CCDC85A: variants seen among roughly 807,000 people sequenced by gnomAD.
CCDC85A encodes coiled-coil domain containing 85A.
CCDC85A carries 38 observed loss-of-function variants against 50.2 expected under a neutral mutation model. The observed-to-expected ratio is 0.76, with a 90% CI of 0.58 to 0.99. The LOEUF is 0.99. CCDC85A is among the 50% of genes least tolerant of loss of function. The pLI, the probability that CCDC85A is intolerant of heterozygous loss-of-function variation, is 0.00. For missense variants in CCDC85A, 820 were observed against 742.0 expected, an observed-to-expected ratio of 1.11 and a Z score of -1.22; for synonymous variants, 366 against 301.4, an observed-to-expected ratio of 1.21 and a Z score of -2.22.
intron 2 of CCDC85A, among the ~76,000 whole-genome samples, chr2:56,337,354 G>A (rs1216309421): frequency 6.6e-6 from 1 of 152,172 alleles, no homozygotes; most frequent in South Asian, 2.1e-4. Context: ...ATGCCCATAG[G>A]TTTCCCAGGG....
At chr2:56,345,053 T>C (rs12467246) in intron 3 of CCDC85A, among the ~76,000 whole-genome samples, 47,355 of 152,040 alleles carry the variant, frequency 0.31, 9,558 homozygotes, top group African/African-American at 0.57. Flanking sequence ...ACTTGATGTG[T>C]CTATGTGTAT....
intron 2 of CCDC85A, among the ~76,000 whole-genome samples, chr2:56,212,450 T>A (rs1199582790): frequency 1.3e-5 from 2 of 152,006 alleles, no homozygotes; most frequent in Non-Finnish European, 2.9e-5. Context: ...AGAGTATTCA[T>A]AATGGGAGAG....
At chr2:56,346,382 A>C (rs1674632577) in intron 3 of CCDC85A, among the ~76,000 whole-genome samples, 1 of 152,218 alleles carries the variant, frequency 6.6e-6, no homozygotes, top group Admixed American at 6.5e-5. Context: ...ATACATATAC[A>C]AAATGTTCAA....
chr2:56,305,013 G>A (rs13001174), intron 2 of CCDC85A, among the ~76,000 whole-genome samples: 1 of 151,346 alleles, frequency 6.6e-6, no homozygotes, highest in African/African-American at 2.4e-5. Flanking sequence ...TGAGAGAAGA[G>A]AATCGCTTGA....
intron 2 of CCDC85A, among the ~76,000 whole-genome samples, chr2:56,291,593 A>T (rs1671708389): frequency 6.6e-6 from 1 of 152,184 alleles, no homozygotes; most frequent in Non-Finnish European, 1.5e-5. Context: ...CAGAGAGATC[A>T]GTAAGTACAA....
intron 2 of CCDC85A, among the ~76,000 whole-genome samples, chr2:56,202,657 C>G (rs1338091014): frequency 1.3e-5 from 2 of 152,224 alleles, no homozygotes; most frequent in Non-Finnish European, 2.9e-5. Context: ...GCCAGTTATT[C>G]TGATTTATGC....
At chr2:56,295,777 G>C (rs997934100) in intron 2 of CCDC85A, among the ~76,000 whole-genome samples, 1 of 152,150 alleles carries the variant, frequency 6.6e-6, no homozygotes, top group African/African-American at 2.4e-5. Context: ...GACTGAAAAG[G>C]AAGTGCCTGG....
chr2:56,186,333 C>T (rs993686619), intron 1 of CCDC85A, among the ~76,000 whole-genome samples: 5 of 152,160 alleles, frequency 3.3e-5, no homozygotes, highest in African/African-American at 1.2e-4. Flanking sequence ...CCTCATTTGC[C>T]AGGAGGGTGA....
chr2:56,273,833 T>TA (rs1489914168), intron 2 of CCDC85A, among the ~76,000 whole-genome samples: 13 of 152,060 alleles, frequency 8.5e-5, no homozygotes, highest in African/African-American at 2.9e-4. Flanking sequence ...GTTTATAGAA[T>TA]ATCTGATGTT....
chr2:56,379,781 A>G, intron 5 of CCDC85A: 1 of 984,944 alleles, frequency 1.0e-6, no homozygotes, highest in Non-Finnish European at 1.2e-6. Context: ...ATAGATCGTC[A>G]ACAGGGTAAA....
chr2:56,249,819 G>C (rs537233458), intron 2 of CCDC85A, among the ~76,000 whole-genome samples: 55 of 152,274 alleles, frequency 3.6e-4, no homozygotes, highest in African/African-American at 1.3e-3. Context: ...TGGGCCCTGG[G>C]GCATTTGTGT....
At chr2:56,288,382 A>C (rs1356025205) in intron 2 of CCDC85A, among the ~76,000 whole-genome samples, 3 of 152,074 alleles carry the variant, frequency 2.0e-5, no homozygotes, top group African/African-American at 7.2e-5. Context: ...GGAATGAATT[A>C]CAATGGAAAT....
chr2:56,202,209 A>G (rs1676776103), intron 2 of CCDC85A, among the ~76,000 whole-genome samples: 2 of 152,156 alleles, frequency 1.3e-5, no homozygotes, highest in African/African-American at 2.4e-5. Flanking sequence ...ATCAGAGAAG[A>G]CCTGGTGATC....
chr2:56,328,714 CT>C (rs1673603083), intron 2 of CCDC85A, among the ~76,000 whole-genome samples: 1 of 151,116 alleles, frequency 6.6e-6, no homozygotes, highest in Non-Finnish European at 1.5e-5. Flanking sequence ...TCTTTGATTT[CT>C]TTTTTTCCCT....
intron 2 of CCDC85A, among the ~76,000 whole-genome samples, chr2:56,229,241 A>G (rs530227848): frequency 2.0e-5 from 3 of 152,256 alleles, no homozygotes; most frequent in East Asian, 3.9e-4. Flanking sequence ...CCCCTTTACC[A>G]TATTAGCTTA....
At chr2:56,323,174 T>C (rs1477965891) in intron 2 of CCDC85A, among the ~76,000 whole-genome samples, 2 of 151,998 alleles carry the variant, frequency 1.3e-5, no homozygotes, top group East Asian at 3.9e-4. Context: ...GGGATAGCAT[T>C]AGGAGATATA....
rs1202829896 is a variant in CCDC85A at position 56,193,175 on chromosome 2, C to T, written c.975C>T (p.Ser325=). ...EHFQKHRSGS[S]PEHARHSGGS... ...TCCAGAAGCACCGGTCAGGGAGCAG[C>T]CCTGAACACGCCAGGCACAGTGGAG... The change falls in exon 2 of 6, where the codon AGC becomes AGT. Residue 325 remains serine, a synonymous_variant. Coordinates refer to ENST00000407595, the MANE Select transcript of CCDC85A (RefSeq NM_001080433.2). 5.0e-6 allele frequency: 8 copies of T among 1,613,256 alleles called. No homozygotes were observed. In the Admixed American group the frequency reaches 1.3e-4, roughly 27 times the overall value.
At chr2:56,188,414 T>C (rs1676144250) in intron 1 of CCDC85A, among the ~76,000 whole-genome samples, 1 of 152,236 alleles carries the variant, frequency 6.6e-6, no homozygotes, top group Non-Finnish European at 1.5e-5. Flanking sequence ...GTTTCACTCC[T>C]TTTGGAAAAG....
chr2:56,286,474 A>C (rs896210490), intron 2 of CCDC85A, among the ~76,000 whole-genome samples: 2 of 152,146 alleles, frequency 1.3e-5, no homozygotes, highest in African/African-American at 4.8e-5. Flanking sequence ...CTTCCAACTC[A>C]TTGATCCTCT....
Sources: allele counts gnomAD v4.1 joint callset (sites outside exome capture counted in the v4.1 genomes callset), GRCh38; gene constraint gnomAD v4.1.1; transcripts MANE v1.5; gene names NCBI Gene and HGNC (gene_info 2026-07-23, HGNC 2026-07-21).